ATAD3B: variants seen among roughly 807,000 people sequenced by gnomAD.
ATAD3B encodes the protein ATPase family AAA domain-containing protein 3B.
Under a neutral mutation model 70.2 loss-of-function variants are expected in ATAD3B, and 59 were observed. That is an observed-to-expected ratio of 0.84 (90% confidence interval 0.68 to 1.04). The LOEUF (loss-of-function observed/expected upper bound fraction) is 1.04, where lower values mean the gene tolerates loss of function less well. Ranked by LOEUF, ATAD3B falls within the 50% of genes least tolerant of loss-of-function variation. The pLI, the probability that ATAD3B is intolerant of heterozygous loss-of-function variation, is 0.00. For missense variants in ATAD3B, 961 were observed against 913.4 expected (o/e 1.05, Z -0.67); for synonymous variants, 423 against 388.6 (o/e 1.09, Z -1.04).
chr1:1,501,345 C>T (rs1264193749), downstream of ATAD3B, among the ~76,000 whole-genome samples: 1 of 151,996 alleles, frequency 6.6e-6, no homozygotes, highest in African/African-American at 2.4e-5. Context: ...AGCTCTGCCT[C>T]CCGGGTTCAC....
chr1:1,475,883 G>A (rs1418084722), intron 1 of ATAD3B, among the ~76,000 whole-genome samples: 1 of 150,778 alleles, frequency 6.6e-6, no homozygotes, highest in Non-Finnish European at 1.5e-5. Context: ...CCATTTTCAG[G>A]GGAGGGAGTG....
chr1:1,481,054 G>A lies in ATAD3B; in HGVS notation c.514+118G>A, dbSNP rs1234558194. The A allele has an allele frequency of 1.2e-5, 18 of 1,501,722 alleles. 1 individual carries two copies. Among genetic ancestry groups the A allele is most frequent in the Middle Eastern group, 4.2e-4 (2 of 4,706 alleles). The allele number at this position is 1,501,722 out of a possible 1,614,324, so 93.0% of individuals were successfully genotyped here. A position where few individuals can be genotyped will look rare whatever the true frequency, so the allele number is the denominator to read the frequency against. ...CCTCATAGCTACCAGTGCAGTGGGC[G>A]AGGCCTGCTGGGGCTCTGCGGGGTG... On this transcript the variant is annotated intron_variant, in intron 5 of 15. Transcript: ENST00000673477.
intron 1 of ATAD3B, among the ~76,000 whole-genome samples, chr1:1,475,914 A>G (rs2100523417): frequency 6.7e-6 from 1 of 150,086 alleles, no homozygotes; most frequent in East Asian, 2.0e-4. Flanking sequence ...AATCCAGCCA[A>G]AGGTCCCCTC....
chr1:1,473,203 GA>G (rs1485189548), intron 1 of ATAD3B, among the ~76,000 whole-genome samples: 1 of 131,752 alleles, frequency 7.6e-6, no homozygotes, highest in Non-Finnish European at 1.5e-5. Flanking sequence ...GCAGTGACGT[GA>G]TCTCCACTCA....
At chr1:1,473,353 C>T (rs1324236574) in intron 1 of ATAD3B, among the ~76,000 whole-genome samples, 3 of 150,508 alleles carry the variant, frequency 2.0e-5, no homozygotes, top group Non-Finnish European at 3.0e-5. Flanking sequence ...TGGTCTCGAT[C>T]TCCTGACCTC....
chr1:1,505,324 CTTTCACT>C, the ATAD3B span, among the ~76,000 whole-genome samples: 30 of 152,270 alleles, frequency 2.0e-4, no homozygotes, highest in South Asian at 5.2e-3. Flanking sequence ...ACTTTTAGTA[CTTTCACT>C]AATTTTGCTA....
the ATAD3B span, among the ~76,000 whole-genome samples, chr1:1,506,980 G>C: frequency 4.6e-5 from 7 of 151,872 alleles, no homozygotes; most frequent in Admixed American, 4.6e-4. Flanking sequence ...GTAGAGATGA[G>C]GTTTCACTAT....
At chr1:1,504,584 A>T in the ATAD3B span, among the ~76,000 whole-genome samples, 1 of 151,716 alleles carries the variant, frequency 6.6e-6, no homozygotes, top group Non-Finnish European at 1.5e-5. Context: ...TGGGAGGCGG[A>T]GGTTGCGGTG....
intron 13 of ATAD3B, chr1:1,489,894 G>A (rs1640438534): frequency 5.7e-6 from 7 of 1,220,194 alleles, no homozygotes; most frequent in South Asian, 3.1e-5. Flanking sequence ...TGGCTCGCAT[G>A]GCCATAATCT....
the ATAD3B span, among the ~76,000 whole-genome samples, chr1:1,502,925 A>AT: frequency 2.0e-5 from 3 of 151,092 alleles, no homozygotes; most frequent in African/African-American, 7.3e-5. Context: ...TATATATATA[A>AT]ATGTATAAGC....
Position 1,486,148 on chromosome 1 carries a change from A to T in ATAD3B, c.1002A>T (p.Ala334=). 1 of 1,613,188 alleles carries T rather than the reference A, an allele frequency of 6.2e-7. No homozygotes were observed. Among genetic ancestry groups the T allele is most frequent in the Non-Finnish European group, 8.5e-7 (1 of 1,179,598 alleles). Residue 334 remains alanine (A), a synonymous_variant, in exon 10 of 16, where the codon GCA becomes GCT. Coordinates refer to ENST00000673477, the MANE Select transcript of ATAD3B (RefSeq NM_031921.6). Reference sequence around the variant, plus strand: ...CACGGGTGCGCGACATCGCCATAGCAACCAGGAACACCAAGAAGAACCGGG... The same window carrying T: ...CACGGGTGCGCGACATCGCCATAGCTACCAGGAACACCAAGAAGAACCGGG... The part of the protein sequence containing the change: ...LEARVRDIAI[A]TRNTKKNRGL...
intron 13 of ATAD3B, chr1:1,489,750 C>G: frequency 7.6e-7 from 1 of 1,308,208 alleles, no homozygotes; most frequent in Non-Finnish European, 1.0e-6. Context: ...GCTGACTCTT[C>G]AGGCACGTTG....
At chr1:1,502,759 G>A (rs536775435), downstream of ATAD3B, among the ~76,000 whole-genome samples, 312 of 150,910 alleles carry the variant, frequency 2.1e-3, 1 homozygote, top group Non-Finnish European at 4.0e-3. Context: ...CGATCCACCC[G>A]CCTCGGCCTC....
In ATAD3B at chr1:1,482,223, G is replaced by C; in HGVS notation, c.600G>C (p.Glu200Asp). The C allele has an allele frequency of 2.5e-6, 4 of 1,611,428 alleles. No individual in the cohort carries two copies. Among genetic ancestry groups the C allele is most frequent in the Non-Finnish European group, 3.4e-6 (4 of 1,179,340 alleles). ...AGGCCCGGGCGCGCGCCAAGGCCGA[G>C]CGGGAGAATGCAGACATCATCCGCG... The part of the protein sequence containing the change: ...ETEARARAKA[E>D]RENADIIREQ... The change falls in exon 6 of 16, where the codon GAG becomes GAC. Residue 200 changes from glutamate to aspartate, a missense_variant. Around this residue, in one of 4 missense-constraint regions of ATAD3B, gnomAD observed 349 missense variants for 307.5 expected, o/e 1.14. Transcript: ENST00000673477.
intron 1 of ATAD3B, among the ~76,000 whole-genome samples, chr1:1,475,085 G>A (rs1639522981): frequency 6.7e-6 from 1 of 148,482 alleles, no homozygotes; most frequent in Non-Finnish European, 1.5e-5. Context: ...GCAGACCTGT[G>A]CCTCTGAGTT....
the ATAD3B span, among the ~76,000 whole-genome samples, chr1:1,508,543 CA>C: frequency 6.6e-6 from 1 of 151,426 alleles, no homozygotes; most frequent in Non-Finnish European, 1.5e-5. Context: ...GGGGTCCCCA[CA>C]CCCTGACCCT....
chr1:1,508,254 A>G, the ATAD3B span, among the ~76,000 whole-genome samples: 5 of 151,374 alleles, frequency 3.3e-5, no homozygotes, highest in South Asian at 6.2e-4. Context: ...GTGGTGGTCC[A>G]GCTCCGGTCA....
chr1:1,478,385 C>G lies in ATAD3B; in HGVS notation c.283-259C>G. On this transcript the variant is annotated intron_variant, in intron 2 of 15. Coordinates refer to ENST00000673477, the MANE Select transcript of ATAD3B (RefSeq NM_031921.6). ...CTGCCTGGAGCTGCCCAGAAACAGC[C>G]TTGTGGGGTGGGGTTGGTGTCTGAC... The G allele has an allele frequency of 2.0e-6, 3 of 1,473,922 alleles. No homozygotes were observed. The Admixed American group carries it at 6.9e-5, about 34-fold the overall frequency. The allele number at this position is 1,473,922 out of a possible 1,614,324, so 91.3% of individuals were successfully genotyped here.
At chr1:1,481,953 G>T (rs559309164) in intron 5 of ATAD3B, among the ~76,000 whole-genome samples, 185 bp from the exon 6 acceptor site, 1 of 139,354 alleles carries the variant, frequency 7.2e-6, no homozygotes, top group East Asian at 1.9e-4. Flanking sequence ...GGGCCGGTCC[G>T]TGGTGCGGGC....
Sources: gnomAD v4.1 joint callset for allele counts (sites outside exome capture counted in the v4.1 genomes callset) on GRCh38, gnomAD v4.1.1 for gene constraint, gnomAD v4.1.1 regional missense constraint, MANE v1.5 for transcripts, NCBI Gene and HGNC (gene_info 2026-07-23, HGNC 2026-07-21) for gene names.